PDZK1: variants seen among roughly 807,000 people sequenced by gnomAD.
PDZK1 encodes PDZ domain containing 1.
Under a neutral mutation model 38.1 loss-of-function variants are expected in PDZK1, and 23 were observed. The observed-to-expected ratio is 0.60, with a 90% CI of 0.43 to 0.85. The LOEUF is 0.85. Ranked by LOEUF, PDZK1 falls within the 40% of genes least tolerant of loss-of-function variation. The pLI, the probability that PDZK1 is intolerant of heterozygous loss-of-function variation, is 0.00. For synonymous variants in PDZK1, 98 were observed against 186.2 expected, an observed-to-expected ratio of 0.53 and a Z score of 3.86; for missense variants, 297 against 504.3, an observed-to-expected ratio of 0.59 and a Z score of 3.94.
intron 6 of PDZK1, among the ~76,000 whole-genome samples, chr1:145,677,129 T>A (rs1233972998): frequency 1.3e-5 from 2 of 152,222 alleles, no homozygotes; most frequent in African/African-American, 4.8e-5. Context: ...GCCAAGTGTC[T>A]GTCAGTTAAT....
intron 1 of PDZK1, among the ~76,000 whole-genome samples, chr1:145,701,213 A>C (rs1250652405): frequency 7.3e-5 from 11 of 151,672 alleles, no homozygotes; most frequent in African/African-American, 2.4e-4. Context: ...TCAAAAAAAA[A>C]ACAAACACTT....
At chr1:145,688,160 CAGG>C (rs1333210193) in intron 1 of PDZK1, 137 bp from the exon 2 acceptor site, 2 of 732,346 alleles carry the variant, frequency 2.7e-6, no homozygotes, top group Non-Finnish European at 4.6e-6. Context: ...GCTGGGGGCA[CAGG>C]AGGACACCTT....
At chr1:145,686,799 G>A in intron 2 of PDZK1, 73 bp from the exon 3 acceptor site, 1 of 712,142 alleles carries the variant, frequency 1.4e-6, no homozygotes, top group Non-Finnish European at 2.3e-6. Context: ...TGACCATCTG[G>A]CTCAATATCT....
chr1:145,676,593 G>T (rs1467124065), intron 6 of PDZK1, among the ~76,000 whole-genome samples: 1 of 149,062 alleles, frequency 6.7e-6, no homozygotes, highest in Admixed American at 6.7e-5. Context: ...GGGCATGGTG[G>T]TGCGCACCTG....
At chr1:145,674,306 G>C (rs1653412492) in intron 6 of PDZK1, 1 of 982,384 alleles carries the variant, frequency 1.0e-6, no homozygotes, top group Non-Finnish European at 1.2e-6. Flanking sequence ...TTTCCTTTCG[G>C]TAAGATGGTC....
At chr1:145,674,133 C>T (rs1260970570) in intron 6 of PDZK1, 35 of 970,538 alleles carry the variant, frequency 3.6e-5, no homozygotes, top group South Asian at 4.8e-5. Context: ...GTATAGGATG[C>T]GGTACAAGGA....
chr1:145,682,628 C>A lies in PDZK1; in HGVS notation c.469G>T (p.Gly157Trp). The A allele has an allele frequency of 6.2e-7, 1 of 1,611,970 alleles. No homozygotes were observed. Among genetic ancestry groups the A allele is most frequent in the Non-Finnish European group, 8.5e-7 (1 of 1,179,836 alleles). The change falls in exon 4 of 9, where the codon GGG becomes TGG. Residue 157 changes from glycine to tryptophan, a missense_variant. Transcript: ENST00000417171. ...FSLKTVQGKK[G>W]VYMTDITPQG... Reference sequence around the variant, plus strand: ...GGTGTAATATCAGTCATGTACACCCCCTTTTTACCTGGAAGAGAGTAGGGG... The same window carrying A: ...GGTGTAATATCAGTCATGTACACCCACTTTTTACCTGGAAGAGAGTAGGGG...
intron 3 of PDZK1, among the ~76,000 whole-genome samples, chr1:145,686,001 C>G (rs1256691766): frequency 4.6e-5 from 7 of 152,180 alleles, no homozygotes; most frequent in Non-Finnish European, 1.0e-4. Flanking sequence ...CCTGGCACAT[C>G]AGCAGGTGCT....
At chr1:145,686,434 G>A (rs782364135) in intron 3 of PDZK1, 43 bp downstream of exon 3, 200 of 1,530,250 alleles carry the variant, frequency 1.3e-4, no homozygotes, top group Non-Finnish European at 1.7e-4. Flanking sequence ...CCTGTTGTCT[G>A]TGCCCTGCCC....
chr1:145,695,433 GGAGAGA>G (rs1177821600), intron 1 of PDZK1, among the ~76,000 whole-genome samples: 2 of 150,490 alleles, frequency 1.3e-5, no homozygotes, highest in Non-Finnish European at 3.0e-5. Context: ...GAGAGAAAGA[GGAGAGA>G]GAGAGAGAGA....
In PDZK1 at chr1:145,682,532, C is replaced by T. The variant is rs1201225048; in HGVS notation, c.565G>A (p.Glu189Lys). The T allele has an allele frequency of 6.2e-7, 1 of 1,608,098 alleles. No homozygotes were observed. Among genetic ancestry groups the T allele is most frequent in the Non-Finnish European group, 8.5e-7 (1 of 1,177,440 alleles). The stretch of plus-strand genomic sequence containing the variant: ...ACCACTTCCTCATGGCTGGCATCCT[C>T]TACATTCTCTCCATTCACTTCAATC... ...HLIEVNGENV[E>K]DASHEEVVEK... is the part of the protein sequence containing the mutation. Residue 189 changes from glutamate (E) to lysine (K), a missense_variant, in exon 4 of 9, where the codon GAG (glutamate) becomes AAG (lysine). Physicochemically the swap from Glu to Lys is moderately conservative, Grantham distance 56. Transcript: ENST00000417171.
intron 1 of PDZK1, among the ~76,000 whole-genome samples, chr1:145,699,942 T>C (rs1655863083): frequency 6.6e-6 from 1 of 152,206 alleles, no homozygotes; most frequent in South Asian, 2.1e-4. Flanking sequence ...CAGTAGAGCA[T>C]GCAAGGCCTC....
intron 1 of PDZK1, among the ~76,000 whole-genome samples, chr1:145,692,449 G>A (rs915320663): frequency 1.3e-5 from 2 of 152,176 alleles, no homozygotes; most frequent in African/African-American, 2.4e-5. Context: ...GGTGGCTCAC[G>A]CCTGTAATCC....
At chr1:145,696,050 A>G (rs587594293) in intron 1 of PDZK1, among the ~76,000 whole-genome samples, 4 of 152,092 alleles carry the variant, frequency 2.6e-5, no homozygotes, top group African/African-American at 9.6e-5. Flanking sequence ...ATGATGGCTT[A>G]CTCCCCTGGC....
intron 5 of PDZK1, among the ~76,000 whole-genome samples, chr1:145,679,498 C>T (rs1309970419): frequency 2.6e-5 from 4 of 152,080 alleles, no homozygotes; most frequent in Admixed American, 1.3e-4. Context: ...AGAATTCTAC[C>T]TAAACTATTA....
intron 1 of PDZK1, among the ~76,000 whole-genome samples, chr1:145,699,549 GA>G (rs1414197911): frequency 6.6e-6 from 1 of 152,196 alleles, no homozygotes; most frequent in Non-Finnish European, 1.5e-5. Context: ...TTGGGAAGAT[GA>G]AATGTTTCAG....
chr1:145,691,968 A>AT (rs1286756674), intron 1 of PDZK1, among the ~76,000 whole-genome samples: 56 of 150,638 alleles, frequency 3.7e-4, no homozygotes, highest in African/African-American at 9.7e-4. Context: ...AGCCAATGAG[A>AT]TTTTTTTTTT....
intron 1 of PDZK1, among the ~76,000 whole-genome samples, chr1:145,701,367 G>A (rs1038219832): frequency 2.0e-5 from 3 of 151,184 alleles, no homozygotes; most frequent in Non-Finnish European, 4.4e-5. Flanking sequence ...GGGTCTCTCC[G>A]GCAACATTAA....
chr1:145,680,691 A>G (rs1324369589), intron 5 of PDZK1, among the ~76,000 whole-genome samples: 14 of 148,246 alleles, frequency 9.4e-5, no homozygotes, highest in Non-Finnish European at 1.6e-4. Context: ...TTACCAGGAT[A>G]CCGTTGCCCA....
Sources: gnomAD v4.1 joint callset for allele counts (sites outside exome capture counted in the v4.1 genomes callset) on GRCh38, gnomAD v4.1.1 for gene constraint, MANE v1.5 for transcripts, NCBI Gene and HGNC (gene_info 2026-07-23, HGNC 2026-07-21) for gene names.